TRAPPC12: variants seen among roughly 807,000 people sequenced by gnomAD.
The protein encoded by TRAPPC12 is trafficking protein particle complex subunit 12, also known as TPR repeat protein 15.
In TRAPPC12, 61 loss-of-function variants were observed where a neutral mutation model predicts 69.2. That is an observed-to-expected ratio of 0.88 (90% CI 0.72 to 1.09). The LOEUF is 1.09. TRAPPC12 is among the 50% of genes least tolerant of loss of function. The probability of loss-of-function intolerance (pLI) is 0.00; values close to 1 mark genes in which losing one functional copy is unlikely to be tolerated. For missense variants in TRAPPC12, 1,101 were observed against 1,016.4 expected (o/e 1.08, Z -1.13); for synonymous variants, 469 against 438.9 (o/e 1.07, Z -0.86).
chr2:3,457,859 T>A (rs1284517960), intron 7 of TRAPPC12, 166 bp downstream of exon 7: 19 of 1,445,788 alleles, frequency 1.3e-5, no homozygotes, highest in Non-Finnish European at 1.6e-5. Context: ...GCCAAGCACA[T>A]CACTGGGTGA....
chr2:3,430,968 T>G (rs951923737), intron 5 of TRAPPC12, among the ~76,000 whole-genome samples: 2 of 151,190 alleles, frequency 1.3e-5, no homozygotes, highest in Non-Finnish European at 1.5e-5. Context: ...CCACTGGGTG[T>G]GAAGGAGCTC....
chr2:3,438,626 G>C (rs1353083624), intron 5 of TRAPPC12, among the ~76,000 whole-genome samples: 1 of 147,152 alleles, frequency 6.8e-6, no homozygotes, highest in Non-Finnish European at 1.5e-5. Context: ...CTGGGAGCTT[G>C]GAGTCTTTCC....
chr2:3,387,966 G>C lies in TRAPPC12; in HGVS notation c.343G>C (p.Asp115His). 6.8e-7 allele frequency: 1 copy of C among 1,478,302 alleles called. No individual in the cohort carries two copies. The highest frequency in any genetic ancestry group is 8.9e-7 in the Non-Finnish European group (1 of 1,120,122). 91.6% of individuals were successfully genotyped at this position (1,478,302 alleles called of 1,614,324 possible). ...CACCCCGAGTCCCAGCGGCGAGGCC[G>C]ACGGCGACTGTGCCCCCGAGGACGC... The part of the protein sequence containing the change: ...AGTPSPSGEA[D>H]GDCAPEDAAP... Residue 115 changes from aspartate to histidine, a missense_variant, in exon 2 of 12, where the codon GAC becomes CAC. Transcript: ENST00000324266.
At chr2:3,411,706 A>C (rs1220776758) in intron 3 of TRAPPC12, among the ~76,000 whole-genome samples, 2 of 152,266 alleles carry the variant, frequency 1.3e-5, no homozygotes, top group Non-Finnish European at 1.5e-5. Context: ...TAATAGCCAC[A>C]TAATCTGAAG....
intron 6 of TRAPPC12, among the ~76,000 whole-genome samples, chr2:3,447,496 A>C (rs1664575722): frequency 6.6e-6 from 1 of 152,090 alleles, no homozygotes; most frequent in South Asian, 2.1e-4. Context: ...GAGGCACCAG[A>C]CTTTTTTTGA....
chr2:3,470,356 C>T (rs1348300003), intron 9 of TRAPPC12, among the ~76,000 whole-genome samples: 1 of 152,260 alleles, frequency 6.6e-6, no homozygotes, highest in Admixed American at 6.5e-5. Context: ...TCCAGGCCAG[C>T]GTCCCAGGGC....
At position 3,424,496 on chromosome 2, in the gene TRAPPC12, C is replaced by T. The variant is rs775902391; in HGVS notation, c.1279-29C>T. ...TCTGAACTGGATATATGTAGATAAC[C>T]TATTGTTTCCATTGTATTTTGTTTT... On this transcript the variant is annotated intron_variant, in intron 4 of 11. Coordinates refer to ENST00000324266, the MANE Select transcript of TRAPPC12 (RefSeq NM_016030.6). The T allele has an allele frequency of 5.3e-5, 86 of 1,608,596 alleles. No individual in the cohort carries two copies. In the Admixed American group the frequency reaches 1.5e-3, roughly 28 times the overall value.
Position 3,479,513 on chromosome 2 carries a change from T to C in TRAPPC12, c.*52T>C, listed in dbSNP as rs1177820847. On this transcript the variant is annotated 3_prime_UTR_variant, in exon 12 of 12. Transcript: ENST00000324266. ...GACCCGGGTCTTTGAAACTGTGTCT[T>C]GAAGCTAATGTATTAATGTGACATG... 1 of 1,595,464 alleles carries C rather than the reference T, an allele frequency of 6.3e-7. No individual in the cohort carries two copies. Among genetic ancestry groups the C allele is most frequent in the Admixed American group, 1.7e-5 (1 of 58,544 alleles).
Position 3,382,130 on chromosome 2 carries a change from CTTT to C in TRAPPC12, c.-5+2275_-5+2277del, listed in dbSNP as rs70938942. ...TGTCTACAGGCAGTGTTTATTTCCA[CTTT>C]TTTTTTTTTTTTTTTTTTTTGAGAT... On this transcript the variant is annotated intron_variant, in intron 1 of 11. Transcript: ENST00000324266. Among the ~76,000 whole-genome samples the C allele has an allele frequency of 9.3e-3, 867 of 93,564 alleles. 5 individuals are homozygous for C. Among genetic ancestry groups the C allele is most frequent in the Non-Finnish European group, 0.013 (645 of 48,518 alleles). The allele number at this position is 93,564 out of a possible 152,430, so 61.4% of individuals were successfully genotyped here.
At chr2:3,421,443 T>C (rs1412975751) in intron 3 of TRAPPC12, among the ~76,000 whole-genome samples, 9 of 152,274 alleles carry the variant, frequency 5.9e-5, no homozygotes. Context: ...TAGAGTCATA[T>C]GCAAATCTTA....
chr2:3,390,714 T>C (rs1438732010), intron 2 of TRAPPC12, among the ~76,000 whole-genome samples: 1 of 152,212 alleles, frequency 6.6e-6, no homozygotes, highest in East Asian at 1.9e-4. Context: ...ACCAAGAGTC[T>C]ACCCTAATGT....
At position 3,386,264 on chromosome 2, in the gene TRAPPC12, C is replaced by A. The variant is rs560100592; in HGVS notation, c.-4-1356C>A. On this transcript the variant is annotated intron_variant, in intron 1 of 11. Transcript: ENST00000324266. The stretch of plus-strand genomic sequence containing the variant: ...TTTTATTCTGAAAAAAATCCCTTAT[C>A]TTTTATCATAGTCTCTTAGATTTCC... 1.5e-4 allele frequency among the ~76,000 whole-genome samples: 23 copies of A among 152,302 alleles called. No homozygotes were observed. In the South Asian group the frequency reaches 4.1e-3, roughly 27 times the overall value.
chr2:3,435,863 T>C (rs1338159399), intron 5 of TRAPPC12, among the ~76,000 whole-genome samples: 1 of 152,280 alleles, frequency 6.6e-6, no homozygotes, highest in South Asian at 2.1e-4. Flanking sequence ...TTACCTGTTA[T>C]AATGAAGGCA....
intron 3 of TRAPPC12, among the ~76,000 whole-genome samples, chr2:3,415,340 T>C (rs538813634): frequency 3.3e-5 from 5 of 152,100 alleles, no homozygotes; most frequent in African/African-American, 9.7e-5. Context: ...GTTGTGAGCA[T>C]GTTTAAGGTA....
chr2:3,477,800 A>G lies in TRAPPC12; in HGVS notation c.1877+5A>G. 6.4e-7 allele frequency: 1 copy of G among 1,566,746 alleles called. No individual in the cohort carries two copies. The highest frequency in any genetic ancestry group is 1.2e-5 in the South Asian group (1 of 86,058). On this transcript the variant is annotated splice_donor_5th_base_variant and intron_variant, in intron 10 of 11. Transcript: ENST00000324266. The stretch of plus-strand genomic sequence containing the variant: ...AATCATGGTTTTGATGAACAGGTAA[A>G]TATTTTAAAACTAAATATATGTTTT...
At chr2:3,416,918 C>T (rs536474647) in intron 3 of TRAPPC12, among the ~76,000 whole-genome samples, 1 of 140,470 alleles carries the variant, frequency 7.1e-6, no homozygotes, top group South Asian at 2.3e-4. Context: ...TGCCCTCCCC[C>T]TGCCCCTTCA....
At chr2:3,450,246 C>G (rs779123950) in intron 6 of TRAPPC12, among the ~76,000 whole-genome samples, 1 of 152,216 alleles carries the variant, frequency 6.6e-6, no homozygotes, top group African/African-American at 2.4e-5. Flanking sequence ...CATGATAGCC[C>G]AGAGAAGAGG....
At chr2:3,404,187 GTGGGGGCTGTACTC>G (rs747528251) in intron 3 of TRAPPC12, among the ~76,000 whole-genome samples, 7 of 152,172 alleles carry the variant, frequency 4.6e-5, no homozygotes, top group Non-Finnish European at 8.8e-5. Context: ...CGAAGCATGG[GTGGGGGCTGTACTC>G]TGCTGTGAGG....
chr2:3,439,425 C>CT (rs1234565851), intron 5 of TRAPPC12, among the ~76,000 whole-genome samples: 1 of 152,162 alleles, frequency 6.6e-6, no homozygotes, highest in Admixed American at 6.5e-5. Context: ...AATGGAGTAG[C>CT]TAGGACTGTA....
Sources: gnomAD v4.1 joint callset for allele counts (sites outside exome capture counted in the v4.1 genomes callset) on GRCh38, gnomAD v4.1.1 for gene constraint, MANE v1.5 for transcripts, NCBI Gene and HGNC (gene_info 2026-07-23, HGNC 2026-07-21) for gene names.